COL18A1: variants seen among roughly 807,000 people sequenced by gnomAD.
COL18A1 encodes collagen alpha-1(XVIII) chain.
COL18A1 carries 133 observed loss-of-function variants against 168.0 expected under a neutral mutation model. That is an observed-to-expected ratio of 0.79 (90% confidence interval 0.69 to 0.91). The LOEUF (loss-of-function observed/expected upper bound fraction) is 0.91, where lower values mean the gene tolerates loss of function less well. Ranked by LOEUF, COL18A1 falls within the 40% of genes least tolerant of loss-of-function variation. The pLI is 0.00. For synonymous variants in COL18A1, 949 were observed against 809.0 expected, an observed-to-expected ratio of 1.17 and a Z score of -2.94; for missense variants, 2,126 against 1,925.4, an observed-to-expected ratio of 1.10 and a Z score of -1.95.
rs768220605 is a variant in COL18A1, at chr21:45,487,519, T to C, written c.1896+10T>C. ...CGCTGATGGGCCACAGGTAGTGTTGTGAGCTGGGCGTGGCCGGCTCTGAGG... is the reference window on the plus strand; with the variant it reads ...CGCTGATGGGCCACAGGTAGTGTTGCGAGCTGGGCGTGGCCGGCTCTGAGG... On this transcript the variant is annotated intron_variant, in intron 17 of 41. Transcript: ENST00000651438. 1 of 1,612,628 alleles carries C rather than the reference T, an allele frequency of 6.2e-7. No homozygotes were observed. Among genetic ancestry groups the C allele is most frequent in the Admixed American group, 1.7e-5 (1 of 60,034 alleles).
At chr21:45,491,532 G>A (rs951754477) in intron 22 of COL18A1, among the ~76,000 whole-genome samples, 1 of 137,692 alleles carries the variant, frequency 7.3e-6, no homozygotes, top group Non-Finnish European at 1.6e-5. Context: ...ACCGAGGAGA[G>A]GGGAGGGCCT....
Position 45,493,211 on chromosome 21 carries a change from TC to T in COL18A1, c.2267del (p.Pro756ArgfsTer61). The T allele has an allele frequency of 6.4e-7, 1 of 1,560,692 alleles. No homozygotes were observed. The highest frequency in any genetic ancestry group is 1.9e-5 in the Admixed American group (1 of 52,694). The part of the protein sequence containing the change: ...GNLGSKGERG[S>X]PGPKGEKGEP... ...CCTGGGCTCTAAGGGCGAACGAGGCTCCCCGGGACCCAAGGTAAGGGGCTCA... is the reference window on the plus strand; with the variant it reads ...CCTGGGCTCTAAGGGCGAACGAGGCTCCCGGGACCCAAGGTAAGGGGCTCA... On this transcript the variant is annotated frameshift_variant, in exon 25 of 42. Coordinates refer to ENST00000651438, the MANE Select transcript of COL18A1 (RefSeq NM_001379500.1). LOFTEE classifies it high-confidence loss of function.
chr21:45,474,982 C>T (rs1415155183), intron 4 of COL18A1, among the ~76,000 whole-genome samples: 2 of 152,176 alleles, frequency 1.3e-5, no homozygotes, highest in Non-Finnish European at 2.9e-5. Flanking sequence ...GCCGAGGCGC[C>T]GCACCCCTCC....
chr21:45,490,449 G>A, intron 20 of COL18A1, 103 bp downstream of exon 20: 1 of 1,040,962 alleles, frequency 9.6e-7, no homozygotes, highest in South Asian at 1.4e-5. Flanking sequence ...CGGGTCCCTG[G>A]GTCTCCATGT....
In COL18A1 at chr21:45,457,696, G is replaced by A. The variant is rs953180630; in HGVS notation, c.107-10546G>A. On this transcript the variant is annotated intron_variant, in intron 2 of 41. Transcript: ENST00000651438. The surrounding 1 kb of genome is among the most constrained non-coding windows in gnomAD (Gnocchi z 4.6). The stretch of plus-strand genomic sequence containing the variant: ...GCCCCATTCAGATTCTGCTTGCTAT[G>A]TGCACCTGGCAGCCTTGGCCCAGAG... 3.3e-5 allele frequency among the ~76,000 whole-genome samples: 5 copies of A among 152,202 alleles called. No individual in the cohort carries two copies. The highest frequency in any genetic ancestry group is 1.2e-4 in the African/African-American group (5 of 41,446).
chr21:45,505,096 C>G lies in COL18A1; in HGVS notation c.2869-38C>G. The G allele has an allele frequency of 3.1e-6, 5 of 1,598,748 alleles. No homozygotes were observed. The South Asian group carries it at 4.4e-5, about 14-fold the overall frequency. The stretch of plus-strand genomic sequence containing the variant: ...GCTTGCCCGCCCCCAGTCCAGGGCA[C>G]GAGGTAACCAGGAAGCGTCTCTTGT... On this transcript the variant is annotated intron_variant, in intron 34 of 41. Transcript: ENST00000651438.
intron 2 of COL18A1, among the ~76,000 whole-genome samples, chr21:45,459,569 G>T (rs2034972165): frequency 1.3e-5 from 2 of 152,252 alleles, no homozygotes; most frequent in Non-Finnish European, 1.5e-5. Flanking sequence ...GAGAGTGTGG[G>T]GGACAGTGCA....
At chr21:45,487,299 A>G in intron 16 of COL18A1, 148 bp from the exon 17 acceptor site, 1 of 941,926 alleles carries the variant, frequency 1.1e-6, no homozygotes, top group Non-Finnish European at 1.6e-6. Context: ...GCCACCAGGT[A>G]GACAGTCCCC....
At chr21:45,495,984 A>G (rs1017639922) in intron 29 of COL18A1, 1 of 341,506 alleles carries the variant, frequency 2.9e-6, no homozygotes. Flanking sequence ...ATACACACCA[A>G]TACACATATA....
At chr21:45,469,222 G>A (rs2035325317) in intron 3 of COL18A1, among the ~76,000 whole-genome samples, 1 of 152,250 alleles carries the variant, frequency 6.6e-6, no homozygotes, top group South Asian at 2.1e-4. Flanking sequence ...CCTCTGACCG[G>A]CCGGTCGGGT....
In COL18A1 at chr21:45,476,389, C is replaced by CG. The variant is rs1191189817; in HGVS notation, c.838dup (p.Val280GlyfsTer18). On this transcript the variant is annotated frameshift_variant, in exon 6 of 42. Transcript: ENST00000651438. LOFTEE classifies it high-confidence loss of function. The stretch of plus-strand genomic sequence containing the variant: ...AACCCAGGCTCCCCGCGCCACCCCC[C>CG]GTCACCACGCCACCCTTGGCTGGAG... The CG allele has an allele frequency of 3.1e-6, 5 of 1,613,678 alleles. No homozygotes were observed. The highest frequency in any genetic ancestry group is 3.4e-6 in the Non-Finnish European group (4 of 1,179,932).
intron 2 of COL18A1, chr21:45,409,814 G>A (rs2033234518): frequency 6.6e-6 from 1 of 152,248 alleles, no homozygotes; most frequent in Non-Finnish European, 1.5e-5. Context: ...TTGTGTAAAA[G>A]CCACATACCA....
At chr21:45,456,540 T>C in intron 2 of COL18A1, 1 of 1,547,940 alleles carries the variant, frequency 6.5e-7, no homozygotes. Context: ...TGCCTGCCCC[T>C]GCCACCCTCC....
chr21:45,504,391 G>A lies in COL18A1; in HGVS notation c.2728-25G>A, dbSNP rs374314336. 89 of 1,607,146 alleles carry A rather than the reference G, an allele frequency of 5.5e-5. 1 individual carries two copies. The East Asian group carries it at 6.7e-4, about 12-fold the overall frequency. ...TGGCTTGTAGGGGTTCAGGGCTCCC[G>A]TGTAACAAGTGTTTCCGTCCACAGG... On this transcript the variant is annotated intron_variant, in intron 33 of 41. Transcript: ENST00000651438.
intron 2 of COL18A1, among the ~76,000 whole-genome samples, chr21:45,435,308 G>T (rs1451015605): frequency 8.0e-6 from 1 of 125,058 alleles, no homozygotes; most frequent in Non-Finnish European, 1.6e-5. Context: ...AGGTGGGGTG[G>T]GGGTGGGCGG....
intron 26 of COL18A1, chr21:45,494,052 C>T: frequency 3.4e-6 from 1 of 290,538 alleles, no homozygotes. Flanking sequence ...CGGGGAGGGT[C>T]CTGGGGAGAA....
In COL18A1 at chr21:45,480,489, C is replaced by T; in HGVS notation, c.1421C>T (p.Ser474Phe). Residue 474 changes from serine (S) to phenylalanine (F), a missense_variant, in exon 12 of 42, where the codon TCT becomes TTT. Physicochemically the swap from Ser to Phe is radical, Grantham distance 155 (BLOSUM62 -2). Transcript: ENST00000651438. Reference sequence around the variant, plus strand: ...CAGACCTTCATTGACATGGAGGGATCTGGCTTCGGGGGCGATCTGGAGGCC... The same window carrying T: ...CAGACCTTCATTGACATGGAGGGATTTGGCTTCGGGGGCGATCTGGAGGCC... ...DKLTFIDMEGSGFGGDLEALR... is the reference protein window; with the variant it reads ...DKLTFIDMEGFGFGGDLEALR... 6.2e-7 allele frequency: 1 copy of T among 1,614,154 alleles called. No individual in the cohort carries two copies. The highest frequency in any genetic ancestry group is 8.5e-7 in the Non-Finnish European group (1 of 1,180,026).
intron 31 of COL18A1, among the ~76,000 whole-genome samples, 174 bp downstream of exon 31, chr21:45,497,266 A>G (rs544129243): frequency 6.6e-6 from 1 of 152,238 alleles, no homozygotes; most frequent in South Asian, 2.1e-4. Flanking sequence ...GGGCCCTCCC[A>G]GCACAGCCGT....
intron 36 of COL18A1, 37 bp from the exon 37 acceptor site, chr21:45,505,801 C>T: frequency 6.5e-7 from 1 of 1,538,788 alleles, no homozygotes; most frequent in Non-Finnish European, 8.8e-7. Flanking sequence ...CCCGCCCTCC[C>T]CGCCAAGCCC....
Sources: allele counts gnomAD v4.1 joint callset (sites outside exome capture counted in the v4.1 genomes callset), GRCh38; gene constraint gnomAD v4.1.1; non-coding constraint Gnocchi (gnomAD v3.1); transcripts MANE v1.5; gene names NCBI Gene and HGNC (gene_info 2026-07-23, HGNC 2026-07-21).